The following PCDHGB6 variants were observed in gnomAD, a reference collection of about 807,000 sequenced individuals.
The protein encoded by PCDHGB6 is protocadherin gamma subfamily B, 6.
In PCDHGB6, 51 loss-of-function variants were observed where a neutral mutation model predicts 59.1. That is an observed-to-expected ratio of 0.86 (90% confidence interval 0.69 to 1.09). The LOEUF (loss-of-function observed/expected upper bound fraction) is 1.09. PCDHGB6 is among the 50% of genes least tolerant of loss of function. The probability of loss-of-function intolerance (pLI) is 0.00; values close to 1 mark genes in which losing one functional copy is unlikely to be tolerated. For missense variants in PCDHGB6, 1,148 were observed against 1,205.1 expected (o/e 0.95, Z 0.70); for synonymous variants, 466 against 495.1 (o/e 0.94, Z 0.78).
At position 141,477,748 on chromosome 5, in the gene PCDHGB6, C is replaced by T; in HGVS notation, c.2419-17059C>T. ...CAGCTCATATCAGCGATGGGGGCAC[C>T]CCGGTCCTAGCCACCAACATCAGCG... On this transcript the variant is annotated intron_variant, in intron 1 of 3. Transcript: ENST00000520790. The surrounding 1 kb of genome is among the most constrained non-coding windows in gnomAD (Gnocchi z 4.9). 6.2e-7 allele frequency: 1 copy of T among 1,613,872 alleles called. No homozygotes were observed. The highest frequency in any genetic ancestry group is 1.1e-5 in the South Asian group (1 of 91,080).
intron 1 of PCDHGB6, chr5:141,427,786 C>G: frequency 1.4e-6 from 2 of 1,477,082 alleles, no homozygotes; most frequent in Non-Finnish European, 1.9e-6. Flanking sequence ...GCACTGTCGT[C>G]CTACGTGTCC....
intron 2 of PCDHGB6, among the ~76,000 whole-genome samples, chr5:141,496,639 C>A (rs752903356): frequency 6.6e-6 from 1 of 152,222 alleles, no homozygotes; most frequent in Non-Finnish European, 1.5e-5. Flanking sequence ...TTGGGCTGCC[C>A]TTGCCCTTCC....
chr5:141,464,144 A>G (rs1305530394), intron 1 of PCDHGB6, among the ~76,000 whole-genome samples: 1 of 152,030 alleles, frequency 6.6e-6, no homozygotes, highest in South Asian at 2.1e-4. Context: ...GGGCGCCTGT[A>G]GTCCCAGCTA....
intron 2 of PCDHGB6, 22 bp downstream of exon 2, chr5:141,494,887 C>T (rs116522768): frequency 0.014 from 22,125 of 1,614,118 alleles, 208 homozygotes; most frequent in Middle Eastern, 0.021. Context: ...ATTCTCCAGC[C>T]CACCCTCTTC....
intron 1 of PCDHGB6, chr5:141,420,084 A>G (rs1454284559): frequency 2.5e-6 from 4 of 1,613,890 alleles, no homozygotes; most frequent in African/African-American, 1.3e-5. Context: ...GGTCCCCCCA[A>G]CTACAGTGAG....
intron 1 of PCDHGB6, chr5:141,422,893 C>T (rs1405800318): frequency 3.1e-6 from 5 of 1,614,128 alleles, no homozygotes; most frequent in Admixed American, 3.3e-5. Flanking sequence ...CGTGCTGGAC[C>T]AGAACGACAA....
intron 1 of PCDHGB6, chr5:141,413,787 A>G (rs2095678061): frequency 6.2e-7 from 1 of 1,613,170 alleles, no homozygotes; most frequent in African/African-American, 1.3e-5. Flanking sequence ...AGCACTCCCT[A>G]GATCGCGAGG....
intron 1 of PCDHGB6, chr5:141,415,608 T>C (rs1391331847): frequency 6.2e-7 from 1 of 1,613,366 alleles, no homozygotes; most frequent in Non-Finnish European, 8.5e-7. Flanking sequence ...CCCCATTGGT[T>C]CCAGTGAGTT....
chr5:141,417,524 T>C (rs2096128269), intron 1 of PCDHGB6: 1 of 271,098 alleles, frequency 3.7e-6, no homozygotes, highest in African/African-American at 2.2e-5. Flanking sequence ...GGCTGTCAAC[T>C]CGTAGTTTAA....
intron 1 of PCDHGB6, chr5:141,427,083 C>T: frequency 2.2e-6 from 1 of 458,128 alleles, no homozygotes; most frequent in South Asian, 1.5e-5. Flanking sequence ...AGCCACTGAC[C>T]AGGATGAGGG....
chr5:141,433,935 T>C (rs2097665519), intron 1 of PCDHGB6, among the ~76,000 whole-genome samples: 1 of 152,150 alleles, frequency 6.6e-6, no homozygotes, highest in African/African-American at 2.4e-5. Context: ...GATTTTATAA[T>C]TCCATTGTTT....
chr5:141,499,572 T>C (rs2099792782), intron 2 of PCDHGB6, among the ~76,000 whole-genome samples: 1 of 152,178 alleles, frequency 6.6e-6, no homozygotes, highest in Admixed American at 6.5e-5. Flanking sequence ...CAGCTTCAAC[T>C]AATGCCTTAT....
chr5:141,456,236 T>G (rs1299029934), intron 1 of PCDHGB6, among the ~76,000 whole-genome samples: 1 of 152,120 alleles, frequency 6.6e-6, no homozygotes, highest in African/African-American at 2.4e-5. Flanking sequence ...TAACTGCTGT[T>G]AGGAGGCTTT....
chr5:141,451,326 G>T (rs189445228), intron 1 of PCDHGB6, among the ~76,000 whole-genome samples: 3 of 152,278 alleles, frequency 2.0e-5, no homozygotes, highest in Admixed American at 2.0e-4. Context: ...GTCACCTAAG[G>T]CTATTGTCTT....
At chr5:141,478,576 G>A (rs543160289) in intron 1 of PCDHGB6, 1 of 1,585,480 alleles carries the variant, frequency 6.3e-7, no homozygotes, top group Non-Finnish European at 8.6e-7. Flanking sequence ...GCTTGACCCT[G>A]TTAGTGCTTT....
intron 1 of PCDHGB6, among the ~76,000 whole-genome samples, chr5:141,452,284 C>G (rs1182155879): frequency 6.6e-6 from 1 of 152,112 alleles, no homozygotes; most frequent in Non-Finnish European, 1.5e-5. Context: ...TTCTTACTTT[C>G]TGATATAAGA....
chr5:141,480,607 C>T (rs2099522175), intron 1 of PCDHGB6, among the ~76,000 whole-genome samples: 1 of 145,670 alleles, frequency 6.9e-6, no homozygotes, highest in Admixed American at 6.8e-5. Context: ...GCCTGGAAAG[C>T]AACTGGCATT....
intron 1 of PCDHGB6, chr5:141,441,249 T>TA (rs981387539): frequency 2.0e-5 from 3 of 152,206 alleles, no homozygotes. Context: ...ACAAGATCTT[T>TA]AAATCACAAG....
At position 141,477,984 on chromosome 5, in the gene PCDHGB6, T is replaced by A; in HGVS notation, c.2419-16823T>A. On this transcript the variant is annotated intron_variant, in intron 1 of 3. Coordinates refer to ENST00000520790, the MANE Select transcript of PCDHGB6 (RefSeq NM_018926.3). This position sits in a 1 kb window ranked among gnomAD's most constrained non-coding sequence, Gnocchi z 4.9. ...AACCAGAGCCTTTTTGCCATAGGGC[T>A]GCACACTGGTCAAATCAGTACTGCC... 6.2e-7 allele frequency: 1 copy of A among 1,614,146 alleles called. No homozygotes were observed. The highest frequency in any genetic ancestry group is 8.5e-7 in the Non-Finnish European group (1 of 1,180,028).
Sources: allele counts gnomAD v4.1 joint callset (sites outside exome capture counted in the v4.1 genomes callset), GRCh38; gene constraint gnomAD v4.1.1; non-coding constraint Gnocchi (gnomAD v3.1); transcripts MANE v1.5; gene names NCBI Gene and HGNC (gene_info 2026-07-23, HGNC 2026-07-21).